Variants in KANSL1L observed in about 807,000 individuals in gnomAD.
The protein encoded by KANSL1L is KAT8 regulatory NSL complex subunit 1 like.
A neutral mutation model predicts 108.6 loss-of-function variants in KANSL1L; 25 were observed. The observed-to-expected ratio is 0.23, with a 90% CI of 0.17 to 0.32. The LOEUF is 0.32. Ranked by LOEUF, KANSL1L falls within the 10% of genes least tolerant of loss-of-function variation. The probability of loss-of-function intolerance (pLI) is 1.00; values close to 1 mark genes in which losing one functional copy is unlikely to be tolerated. For missense variants in KANSL1L, 1,137 were observed against 1,125.7 expected, an observed-to-expected ratio of 1.01 and a Z score of -0.14; for synonymous variants, 405 against 395.1, an observed-to-expected ratio of 1.03 and a Z score of -0.30.
intron 4 of KANSL1L, among the ~76,000 whole-genome samples, chr2:210,101,857 A>T (rs1380638913): frequency 6.6e-6 from 1 of 152,228 alleles, no homozygotes; most frequent in African/African-American, 2.4e-5. Context: ...GTATTTAGTT[A>T]CTTCCTTGTA....
At chr2:210,033,143 G>C (rs1328170641) in intron 8 of KANSL1L, among the ~76,000 whole-genome samples, 2 of 152,092 alleles carry the variant, frequency 1.3e-5, no homozygotes, top group African/African-American at 4.8e-5. Context: ...GAAAAGGAGG[G>C]AATAGTTGAA....
At chr2:210,126,750 G>A (rs1455031995) in intron 3 of KANSL1L, among the ~76,000 whole-genome samples, 1 of 152,162 alleles carries the variant, frequency 6.6e-6, no homozygotes, top group Non-Finnish European at 1.5e-5. Context: ...CCTGGAAGGT[G>A]GAGGTTGCAG....
intron 9 of KANSL1L, 32 bp from the exon 10 acceptor site, chr2:210,029,950 A>T (rs367873863): frequency 9.3e-7 from 1 of 1,079,376 alleles, no homozygotes; most frequent in Admixed American, 1.8e-5. Context: ...AATGTTACAC[A>T]TTAAACAAGT....
intron 2 of KANSL1L, among the ~76,000 whole-genome samples, chr2:210,133,217 T>C (rs989177924): frequency 2.0e-5 from 3 of 152,132 alleles, no homozygotes; most frequent in African/African-American, 7.2e-5. Context: ...CTACATACAC[T>C]CCATTGTATA....
chr2:210,025,698 A>C (rs1442820966), intron 12 of KANSL1L, among the ~76,000 whole-genome samples: 2 of 152,178 alleles, frequency 1.3e-5, no homozygotes, highest in Non-Finnish European at 2.9e-5. Flanking sequence ...GGGGAGTCAA[A>C]ATTTTTTAAA....
intron 1 of KANSL1L, chr2:210,170,645 G>T (rs1381663409): frequency 6.6e-6 from 1 of 152,146 alleles, no homozygotes; most frequent in Non-Finnish European, 1.5e-5. Context: ...ACGTTTTCCT[G>T]AAAGAAAGTG....
intron 8 of KANSL1L, among the ~76,000 whole-genome samples, chr2:210,036,528 T>C (rs1575386675): frequency 6.6e-6 from 1 of 152,262 alleles, no homozygotes; most frequent in East Asian, 1.9e-4. Flanking sequence ...ATAATAGTTA[T>C]TTGTGTCTTC....
intron 2 of KANSL1L, among the ~76,000 whole-genome samples, chr2:210,141,170 TTTCTTTTC>T (rs1559596137): frequency 2.2e-5 from 2 of 92,154 alleles, no homozygotes; most frequent in African/African-American, 5.3e-5. Context: ...CTCTGTTTTC[TTTCTTTTC>T]TTTCTCTCCC....
Position 210,154,305 on chromosome 2 carries a change from T to A in KANSL1L, c.278A>T (p.Asn93Ile), listed in dbSNP as rs755045596. ...MRSNSTLNKH[N>I]ENYKQKKLGE... Reference sequence around the variant, plus strand: ...TAATTTCTTTTGTTTATAATTCTCATTGTGTTTATTTAATGTAGAATTAGA... The same window carrying A: ...TAATTTCTTTTGTTTATAATTCTCAATGTGTTTATTTAATGTAGAATTAGA... The change falls in exon 2 of 15, where the codon AAT becomes ATT. Residue 93 changes from asparagine (N) to isoleucine (I), a missense_variant. Around this residue, in one of 3 missense-constraint regions of KANSL1L, gnomAD observed 556 missense variants for 537.7 expected, o/e 1.03. Coordinates refer to ENST00000281772, the MANE Select transcript of KANSL1L (RefSeq NM_152519.4). 4.3e-6 allele frequency: 7 copies of A among 1,612,620 alleles called. No individual in the cohort carries two copies. The highest frequency in any genetic ancestry group is 5.9e-6 in the Non-Finnish European group (7 of 1,179,100).
intron 6 of KANSL1L, among the ~76,000 whole-genome samples, chr2:210,050,879 G>T (rs997554444): frequency 2.0e-5 from 3 of 151,932 alleles, no homozygotes; most frequent in Non-Finnish European, 4.4e-5. Flanking sequence ...GAGTAGCTGG[G>T]ACTATAGGTG....
intron 8 of KANSL1L, chr2:210,032,109 C>A (rs1057498686): frequency 6.6e-6 from 1 of 152,124 alleles, no homozygotes; most frequent in Non-Finnish European, 1.5e-5. Context: ...TATATCTGAA[C>A]CCCCTTATTT....
chr2:210,059,263 AG>A (rs1254442025), intron 6 of KANSL1L, among the ~76,000 whole-genome samples: 2 of 152,220 alleles, frequency 1.3e-5, no homozygotes, highest in East Asian at 3.8e-4. Context: ...GCAGCATGAG[AG>A]GCCACAATGA....
intron 5 of KANSL1L, chr2:210,096,356 C>A (rs1056670018): frequency 8.0e-6 from 2 of 249,990 alleles, no homozygotes; most frequent in Non-Finnish European, 1.3e-5. Flanking sequence ...TTTCACCAAC[C>A]AGACTGTGAG....
At chr2:210,106,173 A>G (rs1005378529) in intron 3 of KANSL1L, among the ~76,000 whole-genome samples, 1 of 152,036 alleles carries the variant, frequency 6.6e-6, no homozygotes, top group African/African-American at 2.4e-5. Flanking sequence ...TTTCAAACCT[A>G]CTCTCACTAG....
chr2:210,025,602 A>G (rs1243147982), intron 12 of KANSL1L, among the ~76,000 whole-genome samples: 1 of 152,250 alleles, frequency 6.6e-6, no homozygotes, highest in Non-Finnish European at 1.5e-5. Context: ...TCATGTAGAA[A>G]ACAGTAGGAA....
chr2:210,092,928 GTT>G (rs538266563), intron 5 of KANSL1L, among the ~76,000 whole-genome samples: 1 of 142,688 alleles, frequency 7.0e-6, no homozygotes, highest in Non-Finnish European at 1.5e-5. Flanking sequence ...TAGGTTTTTT[GTT>G]TTTTTTTTTT....
intron 8 of KANSL1L, among the ~76,000 whole-genome samples, chr2:210,039,478 TATA>T: frequency 6.6e-6 from 1 of 152,054 alleles, no homozygotes; most frequent in Non-Finnish European, 1.5e-5. Flanking sequence ...AAATTTATTT[TATA>T]ATAAGACCCC....
In KANSL1L at chr2:210,150,149, C is replaced by T. The variant is rs536046595; in HGVS notation, c.1088+3346G>A. On this transcript the variant is annotated intron_variant, in intron 2 of 14. Transcript: ENST00000281772. ...GAACTGATATTAAATTTCTTAGATA[C>T]ATTATTTTCTTAAAATTTATGTCTA... is the stretch of plus-strand genomic sequence containing the variant. Among the ~76,000 whole-genome samples the T allele has an allele frequency of 2.6e-5, 4 of 152,132 alleles. No individual in the cohort carries two copies. In the East Asian group the frequency reaches 5.8e-4, roughly 22 times the overall value.
chr2:210,160,577 C>T (rs1252952948), intron 1 of KANSL1L, among the ~76,000 whole-genome samples: 3 of 152,120 alleles, frequency 2.0e-5, no homozygotes, highest in African/African-American at 7.2e-5. Context: ...ATTCCAACAC[C>T]TGCAAAAATG....
Sources: allele counts gnomAD v4.1 joint callset (sites outside exome capture counted in the v4.1 genomes callset), GRCh38; gene constraint gnomAD v4.1.1; regional missense constraint gnomAD v4.1.1; transcripts MANE v1.5; gene names NCBI Gene and HGNC (gene_info 2026-07-23, HGNC 2026-07-21).